The following MAP7 variants were observed in gnomAD, a reference collection of about 807,000 sequenced individuals.
MAP7 encodes the protein ensconsin.
MAP7 carries 52 observed loss-of-function variants against 94.8 expected under a neutral mutation model. That is an observed-to-expected ratio of 0.55 (90% CI 0.44 to 0.69). The LOEUF (loss-of-function observed/expected upper bound fraction) is 0.69, where lower values mean the gene tolerates loss of function less well. MAP7 is among the 30% of genes least tolerant of loss of function. The pLI, the probability that MAP7 is intolerant of heterozygous loss-of-function variation, is 0.00. For synonymous variants in MAP7, 350 were observed against 357.0 expected, an observed-to-expected ratio of 0.98 and a Z score of 0.22; for missense variants, 940 against 964.6, an observed-to-expected ratio of 0.97 and a Z score of 0.34.
At chr6:136,528,290 T>A (rs1486200389) in intron 1 of MAP7, among the ~76,000 whole-genome samples, 1 of 152,292 alleles carries the variant, frequency 6.6e-6, no homozygotes, top group East Asian at 1.9e-4. Context: ...AATAAAAAAA[T>A]GGATACAAAT....
intron 1 of MAP7, among the ~76,000 whole-genome samples, chr6:136,446,714 T>C (rs1799478511): frequency 6.6e-6 from 1 of 152,144 alleles, no homozygotes; most frequent in Non-Finnish European, 1.5e-5. Flanking sequence ...AGGATTTCAG[T>C]AGTTGCATGC....
intron 1 of MAP7, among the ~76,000 whole-genome samples, chr6:136,487,712 G>GA (rs112663268): frequency 0.086 from 12,300 of 143,584 alleles, 1,102 homozygotes; most frequent in African/African-American, 0.23. Context: ...TGATCTCCAG[G>GA]AAAAAAAAAA....
intron 1 of MAP7, among the ~76,000 whole-genome samples, chr6:136,456,479 C>T (rs1298555541): frequency 2.6e-5 from 4 of 151,862 alleles, no homozygotes; most frequent in African/African-American, 4.8e-5. Context: ...CAAGACCAGC[C>T]TGGGAAACAT....
At chr6:136,517,817 C>T (rs567736052) in intron 1 of MAP7, among the ~76,000 whole-genome samples, 2 of 152,262 alleles carry the variant, frequency 1.3e-5, no homozygotes, top group East Asian at 1.9e-4. Context: ...CCTGTTTTCC[C>T]ACTATGTAAA....
At chr6:136,472,855 A>T (rs1402682289) in intron 1 of MAP7, among the ~76,000 whole-genome samples, 6 of 152,190 alleles carry the variant, frequency 3.9e-5, no homozygotes, top group Non-Finnish European at 5.9e-5. Context: ...AAATAAAAAT[A>T]AAAAAATTAA....
chr6:136,443,025 G>T (rs1384907397), intron 1 of MAP7, among the ~76,000 whole-genome samples: 1 of 152,060 alleles, frequency 6.6e-6, no homozygotes, highest in African/African-American at 2.4e-5. Context: ...TTTAAATATG[G>T]TTAAAAATTT....
intron 1 of MAP7, among the ~76,000 whole-genome samples, chr6:136,536,880 G>C (rs1481039003): frequency 6.6e-6 from 1 of 152,216 alleles, no homozygotes; most frequent in Admixed American, 6.5e-5. Flanking sequence ...AATCAGCTTT[G>C]CACATTGTAC....
In MAP7 at chr6:136,383,661, T is replaced by C. The variant is rs1778403908; in HGVS notation, c.637+10A>G. The stretch of plus-strand genomic sequence containing the variant: ...TAACAGACACTTTTTTGTTTTCCTT[T>C]GGACTGTACCTCTATCTGGAGAATT... On this transcript the variant is annotated intron_variant, in intron 6 of 17. Transcript: ENST00000354570. The C allele has an allele frequency of 6.6e-7, 1 of 1,504,928 alleles. No individual in the cohort carries two copies. Among genetic ancestry groups the C allele is most frequent in the Admixed American group, 1.8e-5 (1 of 55,296 alleles). The allele number at this position is 1,504,928 out of a possible 1,614,324, so 93.2% of individuals were successfully genotyped here. A position where few individuals can be genotyped will look rare whatever the true frequency, so the allele number is the denominator to read the frequency against.
intron 1 of MAP7, among the ~76,000 whole-genome samples, chr6:136,534,901 T>TTC (rs1335839375): frequency 6.6e-6 from 1 of 152,150 alleles, no homozygotes; most frequent in Non-Finnish European, 1.5e-5. Context: ...TAACCCCACT[T>TTC]TCTCAATCAG....
At chr6:136,428,655 T>TA (rs1254251825) in intron 1 of MAP7, among the ~76,000 whole-genome samples, 1 of 152,200 alleles carries the variant, frequency 6.6e-6, no homozygotes, top group Admixed American at 6.5e-5. Context: ...GTTACCAAAA[T>TA]ATTCCTAAGG....
At chr6:136,469,291 TTCCC>T (rs974951484) in intron 1 of MAP7, among the ~76,000 whole-genome samples, 2 of 152,002 alleles carry the variant, frequency 1.3e-5, no homozygotes, top group African/African-American at 2.4e-5. Context: ...TTTTCTTTCT[TTCCC>T]TCCCTCCCTC....
intron 1 of MAP7, among the ~76,000 whole-genome samples, chr6:136,496,639 C>T (rs996857668): frequency 1.8e-4 from 28 of 151,740 alleles, no homozygotes; most frequent in Admixed American, 1.6e-3. Context: ...GGCTCCTAGG[C>T]TGACCAAAGT....
chr6:136,436,944 T>C (rs886258276), intron 1 of MAP7, among the ~76,000 whole-genome samples: 4 of 152,222 alleles, frequency 2.6e-5, no homozygotes, highest in African/African-American at 7.2e-5. Context: ...TGTGACCACA[T>C]TAAAAATGAT....
intron 15 of MAP7, 82 bp from the exon 16 acceptor site, chr6:136,356,876 A>AT: frequency 9.2e-7 from 1 of 1,081,098 alleles, no homozygotes; most frequent in South Asian, 1.3e-5. Flanking sequence ...GAATGCCTTG[A>AT]TTTATGTGCT....
rs1392292205 is a variant in MAP7, at chr6:136,550,041, G to A, written c.67+301C>T. Among the ~76,000 whole-genome samples the A allele has an allele frequency of 6.6e-6, 1 of 151,918 alleles. No individual in the cohort carries two copies. The highest frequency in any genetic ancestry group is 1.5e-5 in the Non-Finnish European group (1 of 67,910). On this transcript the variant is annotated intron_variant, in intron 1 of 17. Transcript: ENST00000354570. The surrounding 1 kb of genome is among the most constrained non-coding windows in gnomAD (Gnocchi z 5.1). ...GCCGCGGCGGGGAGGGCAGCGGCCG[G>A]GGTCTCTCCGTTTCCTCCCCCGGCT... is the stretch of plus-strand genomic sequence containing the variant.
At chr6:136,497,525 TAAA>T (rs537275225) in intron 1 of MAP7, among the ~76,000 whole-genome samples, 8 of 140,354 alleles carry the variant, frequency 5.7e-5, no homozygotes, top group African/African-American at 1.6e-4. Flanking sequence ...TCATCTTACT[TAAA>T]AAAAAAAAAA....
At chr6:136,370,451 A>G (rs970375375) in intron 8 of MAP7, among the ~76,000 whole-genome samples, 2 of 152,234 alleles carry the variant, frequency 1.3e-5, no homozygotes, top group Admixed American at 6.5e-5. Flanking sequence ...AGAGATATCT[A>G]TATTCCCATG....
At chr6:136,456,822 G>GAA (rs1554259490) in intron 1 of MAP7, among the ~76,000 whole-genome samples, 2,349 of 68,222 alleles carry the variant, frequency 0.034, 68 homozygotes, top group Middle Eastern at 0.049. Flanking sequence ...AGAAGAAGAA[G>GAA]GAAGAAGAAG....
chr6:136,448,665 G>A (rs1800105395), intron 1 of MAP7, among the ~76,000 whole-genome samples: 1 of 151,804 alleles, frequency 6.6e-6, no homozygotes, highest in African/African-American at 2.4e-5. Context: ...TTCCCGCCTT[G>A]GCCTTCCAAA....
Sources: allele counts gnomAD v4.1 joint callset (sites outside exome capture counted in the v4.1 genomes callset), GRCh38; gene constraint gnomAD v4.1.1; non-coding constraint Gnocchi (gnomAD v3.1); transcripts MANE v1.5; gene names NCBI Gene and HGNC (gene_info 2026-07-23, HGNC 2026-07-21).